LARS2: variants seen among roughly 807,000 people sequenced by gnomAD.
The protein encoded by LARS2 is leucine--tRNA ligase, mitochondrial.
LARS2 carries 81 observed loss-of-function variants against 116.6 expected under a neutral mutation model. The observed-to-expected ratio is 0.69, with a 90% CI of 0.58 to 0.84. The LOEUF is 0.84. LARS2 is among the 40% of genes least tolerant of loss of function. LARS2 has a pLI of 0.00. For missense variants in LARS2, 968 were observed against 1,114.5 expected (o/e 0.87, Z 1.87); for synonymous variants, 396 against 407.2 (o/e 0.97, Z 0.33).
intron 3 of LARS2, among the ~76,000 whole-genome samples, chr3:45,397,833 G>T (rs369714704): frequency 6.6e-4 from 100 of 152,284 alleles, no homozygotes; most frequent in African/African-American, 2.2e-3. Flanking sequence ...ATGGGGTCTT[G>T]TACCTCCTTG....
rs1553627799 is a variant in LARS2 at position 45,415,856 on chromosome 3, AAAAAAT to A, written c.364-1624_364-1619del. ...GAGCAAGACTCCATCTCAAAAAAAA[AAAAAAT>A]ATATATATATATATAGAGAGAGAGA... On this transcript the variant is annotated intron_variant, in intron 4 of 21. Coordinates refer to ENST00000645846, the MANE Select transcript of LARS2 (RefSeq NM_015340.4). Among the ~76,000 whole-genome samples the A allele has an allele frequency of 7.1e-3, 762 of 106,616 alleles. 14 individuals carry two copies. The highest frequency in any genetic ancestry group is 0.029 in the African/African-American group (574 of 19,714). 69.9% of individuals were successfully genotyped at this position (106,616 alleles called of 152,430 possible). A position where few individuals can be genotyped will look rare whatever the true frequency, so the allele number is the denominator to read the frequency against.
intron 13 of LARS2, among the ~76,000 whole-genome samples, chr3:45,492,818 C>T (rs1380912657): frequency 6.6e-6 from 1 of 152,218 alleles, no homozygotes; most frequent in Admixed American, 6.5e-5. Flanking sequence ...CAGCCATCCT[C>T]CCAGGTCCTC....
intron 8 of LARS2, among the ~76,000 whole-genome samples, chr3:45,466,955 C>A (rs967365722): frequency 6.6e-6 from 1 of 152,170 alleles, no homozygotes; most frequent in African/African-American, 2.4e-5. Context: ...AGTTCCCAAG[C>A]AACTGAGTAT....
Position 45,486,855 on chromosome 3 carries a change from G to C in LARS2, c.1123+1059G>C, listed in dbSNP as rs529893144. 5.5e-4 allele frequency among the ~76,000 whole-genome samples: 84 copies of C among 152,094 alleles called. 1 individual carries two copies. Among genetic ancestry groups the C allele is most frequent in the Non-Finnish European group, 1.1e-3 (75 of 67,964 alleles). On this transcript the variant is annotated intron_variant, in intron 11 of 21. Coordinates refer to ENST00000645846, the MANE Select transcript of LARS2 (RefSeq NM_015340.4). ...GGGGGAGTTTTTTGTTTGTTTGTTT[G>C]TTTGATATTTTGAATCATTACTGAC...
chr3:45,543,702 G>T lies in LARS2; in HGVS notation c.2532+1746G>T, dbSNP rs535817032. ...TGGTTTCAAACTCCTGACCTCAAGT[G>T]ATCTGCCCACCTCAGCCTCCCAAAG... On this transcript the variant is annotated intron_variant, in intron 21 of 21. Coordinates refer to ENST00000645846, the MANE Select transcript of LARS2 (RefSeq NM_015340.4). 4.0e-5 allele frequency among the ~76,000 whole-genome samples: 6 copies of T among 151,042 alleles called. No homozygotes were observed. The South Asian group carries it at 8.4e-4, about 21-fold the overall frequency.
intron 3 of LARS2, among the ~76,000 whole-genome samples, chr3:45,396,631 C>A (rs1204086713): frequency 6.6e-6 from 1 of 152,178 alleles, no homozygotes; most frequent in Non-Finnish European, 1.5e-5. Flanking sequence ...CCATATTTAT[C>A]ATTTAAAAAA....
intron 7 of LARS2, among the ~76,000 whole-genome samples, chr3:45,449,271 TC>T (rs1291275208): frequency 6.6e-6 from 1 of 150,782 alleles, no homozygotes; most frequent in Non-Finnish European, 1.5e-5. Flanking sequence ...CAAGCAATTC[TC>T]CTACCTCAGC....
chr3:45,504,336 A>G (rs1700166552), intron 15 of LARS2, among the ~76,000 whole-genome samples: 1 of 152,040 alleles, frequency 6.6e-6, no homozygotes, highest in Admixed American at 6.6e-5. Context: ...ACAGAAACCC[A>G]TTTTCATTAC....
intron 7 of LARS2, among the ~76,000 whole-genome samples, chr3:45,452,547 A>T (rs556647744): frequency 6.6e-6 from 1 of 152,256 alleles, no homozygotes; most frequent in East Asian, 1.9e-4. Flanking sequence ...CCTGTTGATC[A>T]TGGTGAATGA....
chr3:45,494,837 G>A (rs902797143), intron 13 of LARS2, among the ~76,000 whole-genome samples: 1 of 152,208 alleles, frequency 6.6e-6, no homozygotes, highest in Non-Finnish European at 1.5e-5. Context: ...GGAGGCTGAG[G>A]CAGGCGGATC....
At chr3:45,517,580 G>C (rs1423413622) in intron 17 of LARS2, among the ~76,000 whole-genome samples, 2 of 152,190 alleles carry the variant, frequency 1.3e-5, no homozygotes, top group Non-Finnish European at 2.9e-5. Context: ...GTCCCAGCAA[G>C]CTTGCTTAAT....
At chr3:45,434,578 G>C (rs1048313749) in intron 6 of LARS2, among the ~76,000 whole-genome samples, 1 of 152,164 alleles carries the variant, frequency 6.6e-6, no homozygotes, top group African/African-American at 2.4e-5. Context: ...CATGGTGTTG[G>C]TGTATGTTGA....
At chr3:45,420,157 T>C in intron 6 of LARS2, among the ~76,000 whole-genome samples, 1 of 152,242 alleles carries the variant, frequency 6.6e-6, no homozygotes, top group East Asian at 1.9e-4. Flanking sequence ...CCATAATTAT[T>C]CTGTCACATA....
intron 10 of LARS2, 124 bp downstream of exon 10, chr3:45,476,751 AT>A (rs914871835): frequency 1.4e-5 from 13 of 898,342 alleles, no homozygotes; most frequent in Non-Finnish European, 2.2e-5. Flanking sequence ...CCTTAGCCTG[AT>A]TTTTTATGTT....
Position 45,510,450 on chromosome 3 carries a change from G to A in LARS2, c.1761-2685G>A, listed in dbSNP as rs1474352995. On this transcript the variant is annotated intron_variant, in intron 15 of 21. Transcript: ENST00000645846. The stretch of plus-strand genomic sequence containing the variant: ...ATCCTCCTACTCCTCACAGGAGAAA[G>A]ACAGGCAAGCAGCTTACCTAAATAC... Among the ~76,000 whole-genome samples, 10 of 152,022 alleles carry A rather than the reference G, an allele frequency of 6.6e-5. No individual in the cohort carries two copies. In the East Asian group the frequency reaches 1.7e-3, roughly 26 times the overall value.
Position 45,520,304 on chromosome 3 carries a change from G to C in LARS2, c.2292+8G>C. On this transcript the variant is annotated splice_region_variant and intron_variant, in intron 19 of 21. Transcript: ENST00000645846. Reference sequence around the variant, plus strand: ...CTCAGCAATGCCCTCTCGGTAAGTGGCCTGTCCTCATTTGCTGGTAGCAGA... The same window carrying C: ...CTCAGCAATGCCCTCTCGGTAAGTGCCCTGTCCTCATTTGCTGGTAGCAGA... The C allele has an allele frequency of 6.2e-7, 1 of 1,609,600 alleles. No homozygotes were observed. The highest frequency in any genetic ancestry group is 1.1e-5 in the South Asian group (1 of 90,952).
chr3:45,433,866 T>G (rs1698760748), intron 6 of LARS2, among the ~76,000 whole-genome samples: 1 of 152,158 alleles, frequency 6.6e-6, no homozygotes, highest in Non-Finnish European at 1.5e-5. Flanking sequence ...TTTCAAGAGA[T>G]ATGGAATTTT....
intron 8 of LARS2, among the ~76,000 whole-genome samples, chr3:45,466,603 T>G (rs978085681): frequency 2.6e-5 from 4 of 152,150 alleles, no homozygotes; most frequent in Non-Finnish European, 5.9e-5. Flanking sequence ...GAGGTGTGTG[T>G]CCCATCCTTG....
At chr3:45,423,798 C>T (rs928447236) in intron 6 of LARS2, among the ~76,000 whole-genome samples, 7 of 152,156 alleles carry the variant, frequency 4.6e-5, no homozygotes, top group African/African-American at 1.4e-4. Context: ...GTGTGATCTT[C>T]GCCCAGGTGT....
Sources: gnomAD v4.1 joint callset for allele counts (sites outside exome capture counted in the v4.1 genomes callset) on GRCh38, gnomAD v4.1.1 for gene constraint, MANE v1.5 for transcripts, NCBI Gene and HGNC (gene_info 2026-07-23, HGNC 2026-07-21) for gene names.